Variants in CDH3 observed in about 807,000 individuals in gnomAD.
CDH3 encodes cadherin-3.
A neutral mutation model predicts 82.0 loss-of-function variants in CDH3; 54 were observed. That is an observed-to-expected ratio of 0.66 (90% CI 0.53 to 0.83). The LOEUF (loss-of-function observed/expected upper bound fraction) is 0.83, where lower values mean the gene tolerates loss of function less well. Ranked by LOEUF, CDH3 falls within the 40% of genes least tolerant of loss-of-function variation. CDH3 has a pLI of 0.00. For synonymous variants in CDH3, 446 were observed against 437.9 expected, an observed-to-expected ratio of 1.02 and a Z score of -0.23; for missense variants, 1,054 against 1,084.6, an observed-to-expected ratio of 0.97 and a Z score of 0.40.
In CDH3 at chr16:68,645,385, G is replaced by A. The variant is rs767455210; in HGVS notation, c.6G>A (p.Gly2=). Residue 2 remains glycine, a synonymous_variant, in exon 1 of 16, where the codon GGG becomes GGA. Transcript: ENST00000264012. Reference sequence around the variant, plus strand: ...TCACCCCTCTCTCTGCAGCCATGGGGCTCCCTCGTGGACCTCTCGCGTCTC... The same window carrying A: ...TCACCCCTCTCTCTGCAGCCATGGGACTCCCTCGTGGACCTCTCGCGTCTC... M[G]LPRGPLASLL... is the part of the protein sequence containing the mutation. 6 of 1,613,352 alleles carry A rather than the reference G, an allele frequency of 3.7e-6. No individual in the cohort carries two copies. In the Admixed American group the frequency reaches 8.3e-5, roughly 22 times the overall value.
chr16:68,725,490 C>T (rs1048575283), intron 2 of CDH3, among the ~76,000 whole-genome samples: 82 of 151,978 alleles, frequency 5.4e-4, no homozygotes, highest in Non-Finnish European at 3.7e-4. Context: ...CCCGCCACCA[C>T]GCCTGGCTAA....
intron 2 of CDH3, among the ~76,000 whole-genome samples, chr16:68,647,584 C>T (rs772214471): frequency 1.3e-5 from 2 of 152,132 alleles, no homozygotes; most frequent in African/African-American, 2.4e-5. Flanking sequence ...TTAATGCGCT[C>T]GGCGCACCTT....
intron 15 of CDH3, 61 bp from the exon 16 acceptor site, chr16:68,698,130 G>T: frequency 5.4e-6 from 8 of 1,484,870 alleles, no homozygotes; most frequent in Non-Finnish European, 7.5e-6. Flanking sequence ...GGAAATGGAG[G>T]CTTGCAGCTG....
At chr16:68,695,171 C>T (rs924817473) in intron 13 of CDH3, 84 bp from the exon 14 acceptor site, 20 of 1,407,798 alleles carry the variant, frequency 1.4e-5, no homozygotes, top group Non-Finnish European at 1.7e-5. Flanking sequence ...AGGACATCTG[C>T]AGTTAGAGGG....
At chr16:68,733,277 T>C in the CDH3 span, among the ~76,000 whole-genome samples, 147,676 of 152,226 alleles carry the variant, frequency 0.97, 71,655 homozygotes, top group East Asian at 1. Context: ...CACTGCCATG[T>C]CCAGCTAATT....
At chr16:68,733,000 C>T in the CDH3 span, among the ~76,000 whole-genome samples, 22 of 151,894 alleles carry the variant, frequency 1.4e-4, no homozygotes, top group African/African-American at 5.3e-4. Flanking sequence ...AGGCAGCTCA[C>T]AATTTTTCCT....
intron 2 of CDH3, among the ~76,000 whole-genome samples, chr16:68,661,762 C>G (rs558793335): frequency 6.6e-6 from 1 of 152,202 alleles, no homozygotes; most frequent in Non-Finnish European, 1.5e-5. Flanking sequence ...GATCTCAGCT[C>G]GCTGCAACCT....
intron 2 of CDH3, among the ~76,000 whole-genome samples, chr16:68,648,282 G>C (rs1261125072): frequency 6.6e-6 from 1 of 152,098 alleles, no homozygotes; most frequent in Admixed American, 6.6e-5. Context: ...CCAGGGCCTG[G>C]TACCTTACAG....
intron 2 of CDH3, chr16:68,650,979 C>T (rs1470634837): frequency 4.1e-6 from 1 of 246,036 alleles, no homozygotes; most frequent in Non-Finnish European, 8.1e-6. Flanking sequence ...AGAAAAACAC[C>T]AAAACCCAGA....
intron 1 of CDH3, among the ~76,000 whole-genome samples, chr16:68,716,620 CAAAAAAAAAAAAAAAAAAAG>C (rs1399248715): frequency 9.7e-6 from 1 of 103,200 alleles, no homozygotes; most frequent in Non-Finnish European, 1.8e-5. Flanking sequence ...GACTCCGGCT[CAAAAAAAAAAAAAAAAAAAG>C]AAAAGAAAAA....
intron 1 of CDH3, among the ~76,000 whole-genome samples, chr16:68,720,509 C>T (rs1962148633): frequency 6.6e-6 from 1 of 152,128 alleles, no homozygotes; most frequent in Non-Finnish European, 1.5e-5. Flanking sequence ...TCTAACAAGG[C>T]ACAGACATCT....
At chr16:68,663,428 G>GT (rs1366026533) in intron 2 of CDH3, among the ~76,000 whole-genome samples, 1 of 150,484 alleles carries the variant, frequency 6.6e-6, no homozygotes, top group Non-Finnish European at 1.5e-5. Flanking sequence ...TAGAGACGGT[G>GT]TTTCACCACG....
intron 14 of CDH3, 53 bp downstream of exon 14, chr16:68,695,438 G>A (rs1961693830): frequency 1.3e-6 from 2 of 1,559,294 alleles, no homozygotes; most frequent in African/African-American, 2.7e-5. Flanking sequence ...AAGGCCACTG[G>A]CAGGGCTGTT....
At chr16:68,671,937 T>C (rs1960893552) in intron 2 of CDH3, among the ~76,000 whole-genome samples, 1 of 152,148 alleles carries the variant, frequency 6.6e-6, no homozygotes, top group African/African-American at 2.4e-5. Flanking sequence ...ACAACTCGTG[T>C]TAAGGGAAAA....
intron 2 of CDH3, among the ~76,000 whole-genome samples, chr16:68,672,948 C>G (rs1238375464): frequency 3.3e-5 from 5 of 152,232 alleles, no homozygotes; most frequent in Non-Finnish European, 5.9e-5. Context: ...CCTCTCATAT[C>G]TGGCTTCTAC....
At chr16:68,686,704 A>G (rs1961422695) in intron 11 of CDH3, 1 of 758,170 alleles carries the variant, frequency 1.3e-6, no homozygotes, top group African/African-American at 1.7e-5. Context: ...CACTATTGGA[A>G]TGGCATCAAC....
intron 2 of CDH3, among the ~76,000 whole-genome samples, chr16:68,667,900 TTTTA>T (rs1386483607): frequency 1.2e-4 from 18 of 152,282 alleles, no homozygotes; most frequent in African/African-American, 3.8e-4. Context: ...TAATTTCTCT[TTTTA>T]TTTATTTTTA....
chr16:68,693,447 G>T (rs1342167658), intron 13 of CDH3, among the ~76,000 whole-genome samples: 1 of 152,152 alleles, frequency 6.6e-6, no homozygotes, highest in Non-Finnish European at 1.5e-5. Flanking sequence ...TTGATGTGTG[G>T]AATTAGGGTA....
intron 1 of CDH3, among the ~76,000 whole-genome samples, chr16:68,709,260 G>A (rs1296889623): frequency 6.6e-6 from 1 of 152,060 alleles, no homozygotes; most frequent in Non-Finnish European, 1.5e-5. Context: ...TTTTTGGTAA[G>A]GAAGGGGTCT....
Sources: allele counts gnomAD v4.1 joint callset (sites outside exome capture counted in the v4.1 genomes callset), GRCh38; gene constraint gnomAD v4.1.1; transcripts MANE v1.5; gene names NCBI Gene and HGNC (gene_info 2026-07-23, HGNC 2026-07-21).